The following CDS1 variants were observed in gnomAD, a reference collection of about 807,000 sequenced individuals.
CDS1 encodes the protein CDP-diacylglycerol synthase 1, also known as phosphatidate cytidylyltransferase 1.
A neutral mutation model predicts 62.1 loss-of-function variants in CDS1; 41 were observed. The ratio of observed to expected loss-of-function variants is 0.66; its 90% confidence interval spans 0.51 to 0.86. CDS1 has a LOEUF of 0.86. CDS1 is among the 40% of genes least tolerant of loss of function. The pLI is 0.00. For missense variants in CDS1, 470 were observed against 550.1 expected (o/e 0.85, Z 1.46); for synonymous variants, 185 against 192.6 (o/e 0.96, Z 0.32).
At chr4:84,584,291 A>G (rs1722347771) in intron 1 of CDS1, among the ~76,000 whole-genome samples, 1 of 152,254 alleles carries the variant, frequency 6.6e-6, no homozygotes, top group Admixed American at 6.5e-5. Context: ...TGGTGCAAGT[A>G]AGAACTTGTG....
chr4:84,639,058 AT>A, intron 9 of CDS1, 66 bp downstream of exon 9: 1 of 720,292 alleles, frequency 1.4e-6, no homozygotes, highest in Non-Finnish European at 2.2e-6. Flanking sequence ...TACTGGTCTA[AT>A]TTTAAACCTA....
At chr4:84,613,691 T>G (rs1408555008) in intron 3 of CDS1, among the ~76,000 whole-genome samples, 1 of 152,214 alleles carries the variant, frequency 6.6e-6, no homozygotes, top group African/African-American at 2.4e-5. Flanking sequence ...TTAAAAGGCC[T>G]TCTATTTGTA....
chr4:84,649,674 C>T lies in CDS1; in HGVS notation c.*988C>T, dbSNP rs1023223959. On this transcript the variant is annotated 3_prime_UTR_variant, in exon 13 of 13. Transcript: ENST00000295887. ...CTCACTCCTGGCTTCTAGTGCAGCCCTTTGTAGACTCACCTCGCAAGAAGG... is the reference window on the plus strand; with the variant it reads ...CTCACTCCTGGCTTCTAGTGCAGCCTTTTGTAGACTCACCTCGCAAGAAGG... The T allele has an allele frequency of 6.6e-6, 1 of 152,206 alleles. No individual in the cohort carries two copies. The highest frequency in any genetic ancestry group is 2.4e-5 in the African/African-American group (1 of 41,452). 9.4% of individuals were successfully genotyped at this position (152,206 alleles called of 1,614,324 possible).
chr4:84,635,632 TTCC>T (rs1724172860), intron 8 of CDS1, among the ~76,000 whole-genome samples: 1 of 75,464 alleles, frequency 1.3e-5, no homozygotes, highest in African/African-American at 5.8e-5. Context: ...CCTGCCTTCC[TTCC>T]TTCCTTCCTT....
At chr4:84,644,507 T>G (rs551406779) in intron 11 of CDS1, among the ~76,000 whole-genome samples, 41 of 152,034 alleles carry the variant, frequency 2.7e-4, no homozygotes, top group African/African-American at 9.4e-4. Context: ...AAATGGTGAG[T>G]TTTTTTTGCA....
rs533560630 is a variant in CDS1, at chr4:84,595,945, CATCTAGGAAAGTCTTAAA to C, written c.118-8295_118-8278del. ...TGGAGAAAGATCAGAAGGAGCCAAA[CATCTAGGAAAGTCTTAAA>C]ATGGGCCTTAAAATTAAGTAAGATT... On this transcript the variant is annotated intron_variant, in intron 1 of 12. Transcript: ENST00000295887. 8.5e-4 allele frequency among the ~76,000 whole-genome samples: 130 copies of C among 152,262 alleles called. 2 individuals are homozygous for C. In the South Asian group the frequency reaches 0.026, roughly 30 times the overall value.
intron 1 of CDS1, among the ~76,000 whole-genome samples, chr4:84,599,804 C>T (rs1391308625): frequency 6.6e-6 from 1 of 151,898 alleles, no homozygotes. Context: ...TTGAGTTGTC[C>T]CTAGTTTGGA....
At chr4:84,636,911 A>T (rs936666471) in intron 8 of CDS1, among the ~76,000 whole-genome samples, 1 of 152,204 alleles carries the variant, frequency 6.6e-6, no homozygotes, top group Admixed American at 6.5e-5. Context: ...TCTCACAGAC[A>T]TATTATTACC....
At position 84,598,051 on chromosome 4, in the gene CDS1, G is replaced by A. The variant is rs528465861; in HGVS notation, c.118-6192G>A. 8.6e-5 allele frequency among the ~76,000 whole-genome samples: 13 copies of A among 151,676 alleles called. No individual in the cohort carries two copies. In the South Asian group the frequency reaches 1.9e-3, roughly 22 times the overall value. On this transcript the variant is annotated intron_variant, in intron 1 of 12. Coordinates refer to ENST00000295887, the MANE Select transcript of CDS1 (RefSeq NM_001263.4). ...TGAGGGGAGAGAATGGCGTGAACCC[G>A]GGAGGCAGAGATTGCAGTGAGCCGA...
intron 10 of CDS1, among the ~76,000 whole-genome samples, chr4:84,642,087 G>A (rs576831526): frequency 6.6e-6 from 1 of 152,260 alleles, no homozygotes; most frequent in Admixed American, 6.5e-5. Context: ...CAACACTTTG[G>A]GAGGCCAAGG....
At position 84,583,328 on chromosome 4, in the gene CDS1, G is replaced by A. The variant is rs1418782980; in HGVS notation, c.-74G>A. ...CGGCTGCGAGGTGGCGGGGCGCCCC[G>A]CCTGCAGAACCCTGCTTGCAGCTCA... is the stretch of plus-strand genomic sequence containing the variant. On this transcript the variant is annotated 5_prime_UTR_variant, in exon 1 of 13. Coordinates refer to ENST00000295887, the MANE Select transcript of CDS1 (RefSeq NM_001263.4). 2 of 1,030,556 alleles carry A rather than the reference G, an allele frequency of 1.9e-6. No individual in the cohort carries two copies. The highest frequency in any genetic ancestry group is 1.7e-5 in the African/African-American group (1 of 58,356). 63.8% of individuals were successfully genotyped at this position (1,030,556 alleles called of 1,614,324 possible).
intron 1 of CDS1, among the ~76,000 whole-genome samples, chr4:84,598,126 C>CA (rs879924741): frequency 0.015 from 1,211 of 82,658 alleles, 7 homozygotes; most frequent in African/African-American, 0.021. Flanking sequence ...ACTCCATCTC[C>CA]AAAAAAAAAA....
At chr4:84,601,510 A>G (rs907103212) in intron 1 of CDS1, among the ~76,000 whole-genome samples, 1 of 152,186 alleles carries the variant, frequency 6.6e-6, no homozygotes, top group Non-Finnish European at 1.5e-5. Context: ...CCATGAGATC[A>G]CGTGGTGGTG....
intron 7 of CDS1, among the ~76,000 whole-genome samples, chr4:84,634,538 T>TC (rs1560480925): frequency 6.6e-6 from 1 of 152,112 alleles, no homozygotes; most frequent in African/African-American, 2.4e-5. Context: ...ACTGTATTTT[T>TC]CCCCCACTCA....
intron 5 of CDS1, among the ~76,000 whole-genome samples, chr4:84,625,936 G>A (rs548176619): frequency 6.6e-6 from 1 of 151,928 alleles, no homozygotes; most frequent in East Asian, 1.9e-4. Context: ...GGGAGGCTGA[G>A]GTGGGTGGAT....
intron 5 of CDS1, among the ~76,000 whole-genome samples, chr4:84,628,624 C>T (rs557317808): frequency 9.1e-4 from 139 of 152,260 alleles, no homozygotes; most frequent in African/African-American, 3.1e-3. Context: ...CCTCAAACTC[C>T]TGGGCTCAAG....
At chr4:84,632,911 C>T (rs1724067883) in intron 6 of CDS1, among the ~76,000 whole-genome samples, 2 of 152,174 alleles carry the variant, frequency 1.3e-5, no homozygotes, top group African/African-American at 4.8e-5. Flanking sequence ...ATACCTTGAG[C>T]CCAGGAGTTT....
At position 84,648,656 on chromosome 4, in the gene CDS1, A is replaced by G; in HGVS notation, c.1356A>G (p.Lys452=). ...CCCTGAAGACTCATCTCATTGAGAA[A>G]GGAATCCTACAACCCACCTTGAAGG... The part of the protein sequence containing the change: ...YKTLKTHLIE[K]GILQPTLKV Residue 452 remains lysine, a synonymous_variant, in exon 13 of 13, where the codon AAA becomes AAG. Coordinates refer to ENST00000295887, the MANE Select transcript of CDS1 (RefSeq NM_001263.4). The G allele has an allele frequency of 6.2e-7, 1 of 1,613,712 alleles. No homozygotes were observed. The highest frequency in any genetic ancestry group is 1.3e-5 in the African/African-American group (1 of 75,052).
At chr4:84,621,504 CTTG>C (rs1325735140) in intron 5 of CDS1, among the ~76,000 whole-genome samples, 1 of 152,220 alleles carries the variant, frequency 6.6e-6, no homozygotes, top group Middle Eastern at 3.4e-3. Flanking sequence ...TTTCAGAGAA[CTTG>C]TTTTTATGTA....
Sources: allele counts gnomAD v4.1 joint callset (sites outside exome capture counted in the v4.1 genomes callset), GRCh38; gene constraint gnomAD v4.1.1; transcripts MANE v1.5; gene names NCBI Gene and HGNC (gene_info 2026-07-23, HGNC 2026-07-21).